SPATA6L: variants seen among roughly 807,000 people sequenced by gnomAD.
The protein encoded by SPATA6L is spermatogenesis associated 6 like, also known as spermatogenesis associated 6-like protein.
A neutral mutation model predicts 49.2 loss-of-function variants in SPATA6L; 68 were observed. The observed-to-expected ratio is 1.38, with a 90% CI of 1.14 to 1.69. The LOEUF is 1.69. SPATA6L is among the 40% of genes most tolerant of loss of function. SPATA6L has a pLI of 0.00. For synonymous variants in SPATA6L, 198 were observed against 165.7 expected (o/e 1.19, Z -1.50); for missense variants, 668 against 464.3 (o/e 1.44, Z -4.03).
At chr9:4,611,978 G>C (rs1251098733) in intron 9 of SPATA6L, among the ~76,000 whole-genome samples, 2 of 151,828 alleles carry the variant, frequency 1.3e-5, no homozygotes, top group East Asian at 1.9e-4. Flanking sequence ...CAGGTAGAGA[G>C]GACCAACTAG....
chr9:4,636,579 A>G (rs1198004968), intron 3 of SPATA6L, among the ~76,000 whole-genome samples: 3 of 152,328 alleles, frequency 2.0e-5, no homozygotes, highest in African/African-American at 4.8e-5. Context: ...AAAAGTAACT[A>G]TAGCCAATGA....
chr9:4,642,811 TA>T (rs1409143999), intron 3 of SPATA6L, among the ~76,000 whole-genome samples: 5 of 151,922 alleles, frequency 3.3e-5, no homozygotes, highest in Non-Finnish European at 5.9e-5. Context: ...AATAAGAATT[TA>T]TAACAAAATC....
rs962302003 is a variant in SPATA6L at position 4,600,125 on chromosome 9, G to C, written c.*686C>G. Among the ~76,000 whole-genome samples the C allele has an allele frequency of 1.3e-5, 2 of 152,294 alleles. No individual in the cohort carries two copies. The highest frequency in any genetic ancestry group is 1.3e-4 in the Admixed American group (2 of 15,294). On this transcript the variant is annotated 3_prime_UTR_variant, in exon 12 of 12. Transcript: ENST00000682582. ...TGGAGAAATATTTGAGGAAGGTTTT[G>C]TTCCTCATCTAAATTTACAAAGAAT...
chr9:4,629,302 A>G (rs1016683485), intron 4 of SPATA6L, 134 bp from the exon 5 acceptor site: 2 of 580,328 alleles, frequency 3.4e-6, no homozygotes, highest in East Asian at 3.0e-5. Context: ...TCTAAAATAT[A>G]TATGTAATAA....
chr9:4,639,622 T>C (rs10974696), intron 3 of SPATA6L, among the ~76,000 whole-genome samples: 18,430 of 152,116 alleles, frequency 0.12, 1,565 homozygotes, highest in African/African-American at 0.23. Flanking sequence ...AATAAACATA[T>C]TCACAGGCTG....
intron 8 of SPATA6L, among the ~76,000 whole-genome samples, 193 bp downstream of exon 8, chr9:4,618,671 G>C (rs1388050744): frequency 6.6e-6 from 1 of 152,146 alleles, no homozygotes; most frequent in African/African-American, 2.4e-5. Context: ...ACTTATATGA[G>C]GGGCACAAAC....
At chr9:4,628,869 T>G (rs1830862538) in intron 5 of SPATA6L, 8 of 455,256 alleles carry the variant, frequency 1.8e-5, no homozygotes, top group Non-Finnish European at 3.1e-5. Flanking sequence ...TCACCCTGCT[T>G]CCAGCTACAT....
chr9:4,590,975 G>A (rs915614533), intron 13 of SPATA6L, among the ~76,000 whole-genome samples: 2 of 152,176 alleles, frequency 1.3e-5, no homozygotes, highest in Non-Finnish European at 2.9e-5. Flanking sequence ...GAGGGAATGC[G>A]ATGCAGAGTT....
intron 3 of SPATA6L, among the ~76,000 whole-genome samples, chr9:4,648,729 C>T (rs368407706): frequency 1.3e-5 from 1 of 75,100 alleles, no homozygotes; most frequent in East Asian, 5.2e-4. Flanking sequence ...TAAATAAATA[C>T]ATAAGTTCTT....
At chr9:4,665,590 T>C (rs1256856310) in intron 1 of SPATA6L, among the ~76,000 whole-genome samples, 1 of 152,238 alleles carries the variant, frequency 6.6e-6, no homozygotes, top group East Asian at 1.9e-4. Context: ...CATGATATTC[T>C]GTTACTAACT....
At chr9:4,625,236 C>A in intron 6 of SPATA6L, 91 bp downstream of exon 6, 2 of 1,485,982 alleles carry the variant, frequency 1.3e-6, no homozygotes, top group Non-Finnish European at 1.8e-6. Context: ...GAATATTATT[C>A]ATTTGTTGTT....
intron 3 of SPATA6L, among the ~76,000 whole-genome samples, chr9:4,649,192 A>G (rs1836235637): frequency 6.6e-6 from 1 of 152,166 alleles, no homozygotes; most frequent in Non-Finnish European, 1.5e-5. Context: ...ATGCGTGTGT[A>G]AGTATTTTTT....
intron 7 of SPATA6L, 82 bp from the exon 8 acceptor site, chr9:4,618,980 A>G: frequency 7.8e-7 from 1 of 1,287,594 alleles, no homozygotes; most frequent in Non-Finnish European, 1.1e-6. Flanking sequence ...ATTCTACAGC[A>G]GTACAAAAAT....
chr9:4,631,918 A>T (rs145633307), intron 4 of SPATA6L, among the ~76,000 whole-genome samples: 1 of 152,240 alleles, frequency 6.6e-6, no homozygotes, highest in African/African-American at 2.4e-5. Context: ...TCTCCATTAA[A>T]GTGGGGAAAG....
At chr9:4,590,891 C>G (rs903614354) in intron 13 of SPATA6L, among the ~76,000 whole-genome samples, 3 of 152,188 alleles carry the variant, frequency 2.0e-5, no homozygotes, top group African/African-American at 7.2e-5. Flanking sequence ...AGCTGCCATT[C>G]CTCCATAACT....
intron 11 of SPATA6L, among the ~76,000 whole-genome samples, chr9:4,603,260 T>C (rs1053222009): frequency 6.6e-6 from 1 of 152,042 alleles, no homozygotes; most frequent in East Asian, 1.9e-4. Flanking sequence ...TGAAACCCCA[T>C]CTCTACTAAA....
intron 9 of SPATA6L, among the ~76,000 whole-genome samples, 161 bp downstream of exon 9, chr9:4,617,762 T>C (rs1828338073): frequency 6.6e-6 from 1 of 152,232 alleles, no homozygotes; most frequent in South Asian, 2.1e-4. Context: ...GAGATATGCC[T>C]CTGACTTTTG....
chr9:4,643,525 C>T (rs1412943484), intron 3 of SPATA6L, among the ~76,000 whole-genome samples: 2 of 151,872 alleles, frequency 1.3e-5, no homozygotes, highest in Non-Finnish European at 1.5e-5. Flanking sequence ...AATCTAAATG[C>T]TCAACAATAT....
chr9:4,609,573 A>G (rs1364757383), intron 9 of SPATA6L, among the ~76,000 whole-genome samples: 1 of 151,970 alleles, frequency 6.6e-6, no homozygotes, highest in Non-Finnish European at 1.5e-5. Flanking sequence ...GATGCAGAAA[A>G]GGCCTTTGAC....
Sources: gnomAD v4.1 joint callset for allele counts (sites outside exome capture counted in the v4.1 genomes callset) on GRCh38, gnomAD v4.1.1 for gene constraint, MANE v1.5 for transcripts, NCBI Gene and HGNC (gene_info 2026-07-23, HGNC 2026-07-21) for gene names.